XPO4: variants seen among roughly 807,000 people sequenced by gnomAD.
XPO4 encodes the protein exportin-4.
XPO4 carries 39 observed loss-of-function variants against 143.0 expected under a neutral mutation model. The observed-to-expected ratio is 0.27, with a 90% CI of 0.21 to 0.36. The LOEUF is 0.36. Among genes scored for constraint, XPO4 ranks in the 10% least tolerant of loss-of-function variants. XPO4 has a pLI of 1.00. For missense variants in XPO4, 907 were observed against 1,348.0 expected, an observed-to-expected ratio of 0.67 and a Z score of 5.12; for synonymous variants, 439 against 474.0, an observed-to-expected ratio of 0.93 and a Z score of 0.96.
chr13:20,806,794 GC>G (rs1370651045), intron 13 of XPO4, among the ~76,000 whole-genome samples: 3 of 151,790 alleles, frequency 2.0e-5, no homozygotes, highest in Non-Finnish European at 4.4e-5. Flanking sequence ...CTCATGATCT[GC>G]CCGCCTCGGT....
At chr13:20,869,471 G>T in intron 1 of XPO4, 1 of 960,284 alleles carries the variant, frequency 1.0e-6, no homozygotes, top group Non-Finnish European at 1.2e-6. Context: ...AAAGGGGGCT[G>T]GAGGTAGATG....
At chr13:20,873,363 A>C (rs1421212087) in intron 1 of XPO4, among the ~76,000 whole-genome samples, 1 of 152,156 alleles carries the variant, frequency 6.6e-6, no homozygotes, top group African/African-American at 2.4e-5. Context: ...AGACACCAAA[A>C]TATCTAAATG....
At chr13:20,897,039 G>C (rs1330380206) in intron 1 of XPO4, among the ~76,000 whole-genome samples, 1 of 152,118 alleles carries the variant, frequency 6.6e-6, no homozygotes, top group Admixed American at 6.6e-5. Context: ...AACTGAATTT[G>C]AAACATAAAT....
chr13:20,830,510 A>G lies in XPO4; in HGVS notation c.728-3331T>C, dbSNP rs533570528. On this transcript the variant is annotated intron_variant, in intron 6 of 22. Transcript: ENST00000255305. ...TTATACCACTAATAATACCACTATT[A>G]TATACCATAATAAAAATGCACATGT... Among the ~76,000 whole-genome samples the G allele has an allele frequency of 2.7e-4, 41 of 152,272 alleles. 1 individual carries two copies. The South Asian group carries it at 8.5e-3, about 32-fold the overall frequency.
intron 4 of XPO4, chr13:20,849,631 A>C: frequency 1.0e-6 from 1 of 985,258 alleles, no homozygotes; most frequent in Non-Finnish European, 1.2e-6. Context: ...AACTGCCCAC[A>C]AGCTTGAAAT....
At chr13:20,814,250 G>A (rs916392215) in intron 9 of XPO4, among the ~76,000 whole-genome samples, 1 of 150,140 alleles carries the variant, frequency 6.7e-6, no homozygotes, top group African/African-American at 2.4e-5. Context: ...TGTTTTTTAG[G>A]TACATATCTA....
At chr13:20,861,222 A>T (rs1466635829) in intron 3 of XPO4, among the ~76,000 whole-genome samples, 1 of 152,186 alleles carries the variant, frequency 6.6e-6, no homozygotes, top group East Asian at 1.9e-4. Context: ...TTCTTAAAAG[A>T]ATACATGGTC....
chr13:20,785,868 AGGAG>A (rs796264032), intron 22 of XPO4, among the ~76,000 whole-genome samples: 32 of 108,714 alleles, frequency 2.9e-4, no homozygotes, highest in East Asian at 9.4e-4. Context: ...GGGGGAGGAA[AGGAG>A]GGAGGGAGGG....
chr13:20,872,154 A>AT (rs1196578718), intron 1 of XPO4, among the ~76,000 whole-genome samples: 1 of 151,946 alleles, frequency 6.6e-6, no homozygotes, highest in Non-Finnish European at 1.5e-5. Flanking sequence ...AAAAATACAC[A>AT]TTTTTCCCTC....
chr13:20,854,095 T>C (rs373876077), intron 4 of XPO4, among the ~76,000 whole-genome samples: 40 of 152,312 alleles, frequency 2.6e-4, no homozygotes, highest in African/African-American at 9.4e-4. Flanking sequence ...TGTAAATTAC[T>C]TCTCAATAAA....
chr13:20,783,420 T>A lies in XPO4; in HGVS notation c.*302A>T. 2.8e-6 allele frequency: 1 copy of A among 363,634 alleles called. No individual in the cohort carries two copies. Among genetic ancestry groups the A allele is most frequent in the Non-Finnish European group, 5.0e-6 (1 of 199,170 alleles). 22.5% of individuals were successfully genotyped at this position (363,634 alleles called of 1,614,324 possible). On this transcript the variant is annotated 3_prime_UTR_variant, in exon 23 of 23. Transcript: ENST00000255305. ...TGTTAAAAGGAAAAAAGGCACTGCA[T>A]ATGTATTTCGTGGTGCCCATATCTG...
At chr13:20,848,236 A>C (rs2060046879) in intron 4 of XPO4, 1 of 979,476 alleles carries the variant, frequency 1.0e-6, no homozygotes, top group African/African-American at 1.8e-5. Context: ...TTACATCTAA[A>C]ATAAATGATA....
At chr13:20,859,948 G>C in intron 3 of XPO4, 1 of 646,264 alleles carries the variant, frequency 1.5e-6, no homozygotes, top group Non-Finnish European at 1.9e-6. Context: ...GCGACAAGGG[G>C]GAGAAAAGGC....
chr13:20,801,053 T>A, intron 13 of XPO4, 63 bp from the exon 14 acceptor site: 1 of 1,576,446 alleles, frequency 6.3e-7, no homozygotes, highest in Non-Finnish European at 8.6e-7. Context: ...TAATCATATT[T>A]TTTTCCTTAA....
intron 1 of XPO4, among the ~76,000 whole-genome samples, chr13:20,881,370 G>C (rs2060408172): frequency 6.6e-6 from 1 of 152,044 alleles, no homozygotes; most frequent in South Asian, 2.1e-4. Context: ...CCGGGTTCAT[G>C]CCATTCTCCT....
chr13:20,786,736 G>A (rs1231013433), intron 22 of XPO4, among the ~76,000 whole-genome samples: 1 of 152,082 alleles, frequency 6.6e-6, no homozygotes, highest in Non-Finnish European at 1.5e-5. Flanking sequence ...GGTTCATAAT[G>A]GTGGAGGACA....
chr13:20,860,217 A>T (rs1424149362), intron 3 of XPO4, among the ~76,000 whole-genome samples: 1 of 152,236 alleles, frequency 6.6e-6, no homozygotes. Flanking sequence ...AAGGTCACAT[A>T]AATAGACTGC....
At chr13:20,843,192 C>T (rs1190025505) in intron 5 of XPO4, 144 bp from the exon 6 acceptor site, 1 of 796,622 alleles carries the variant, frequency 1.3e-6, no homozygotes, top group Non-Finnish European at 1.9e-6. Flanking sequence ...TTTTAGGCCT[C>T]TACTTGTAAT....
Position 20,807,446 on chromosome 13 carries a change from G to A in XPO4, c.1817+11C>T, listed in dbSNP as rs2059522344. 3 of 1,607,542 alleles carry A rather than the reference G, an allele frequency of 1.9e-6. No homozygotes were observed. In the African/African-American group the frequency reaches 4.0e-5, roughly 22 times the overall value. ...AAAATTACAAGAGCACAGCTATAGA[G>A]TTTATATTACCTAATCACAGAATCT... On this transcript the variant is annotated intron_variant, in intron 13 of 22. Transcript: ENST00000255305.
Sources: allele counts gnomAD v4.1 joint callset (sites outside exome capture counted in the v4.1 genomes callset), GRCh38; gene constraint gnomAD v4.1.1; transcripts MANE v1.5; gene names NCBI Gene and HGNC (gene_info 2026-07-23, HGNC 2026-07-21).